Variants in CFAP61 observed in about 807,000 individuals in gnomAD.
CFAP61 encodes cilia and flagella associated protein 61, also known as cilia- and flagella-associated protein 61.
Under a neutral mutation model 135.6 loss-of-function variants are expected in CFAP61, and 107 were observed. The ratio of observed to expected loss-of-function variants is 0.79; its 90% CI spans 0.67 to 0.93. CFAP61 has a LOEUF of 0.93. CFAP61 is among the 40% of genes least tolerant of loss of function. CFAP61 has a pLI of 0.00. For synonymous variants in CFAP61, 575 were observed against 578.5 expected, an observed-to-expected ratio of 0.99 and a Z score of 0.09; for missense variants, 1,507 against 1,556.2, an observed-to-expected ratio of 0.97 and a Z score of 0.53.
intron 23 of CFAP61, among the ~76,000 whole-genome samples, chr20:20,289,353 G>C (rs1057426717): frequency 1.5e-5 from 2 of 129,696 alleles, no homozygotes; most frequent in African/African-American, 6.0e-5. Context: ...TCTGGGGATG[G>C]ATAAGCTTAA....
chr20:20,072,774 AT>A, intron 3 of CFAP61, among the ~76,000 whole-genome samples: 1 of 152,346 alleles, frequency 6.6e-6, no homozygotes, highest in African/African-American at 2.4e-5. Context: ...AGTATAAAAT[AT>A]GCCAGATTTC....
chr20:20,054,760 T>C (rs2044166136), intron 1 of CFAP61, among the ~76,000 whole-genome samples: 1 of 152,234 alleles, frequency 6.6e-6, no homozygotes, highest in Admixed American at 6.5e-5. Context: ...TCAGTCTAAT[T>C]ATTTTTTATA....
chr20:20,314,651 G>A (rs952062605), intron 25 of CFAP61, among the ~76,000 whole-genome samples: 5 of 141,332 alleles, frequency 3.5e-5, no homozygotes, highest in African/African-American at 1.3e-4. Flanking sequence ...TCGTCATCTA[G>A]CATTAGGTAT....
chr20:20,312,879 ACC>A (rs766506126), intron 25 of CFAP61, among the ~76,000 whole-genome samples: 1 of 151,826 alleles, frequency 6.6e-6, no homozygotes, highest in African/African-American at 2.4e-5. Context: ...AACATGGCAT[ACC>A]CCCCCATATT....
rs199510487 is a variant in CFAP61 at position 20,341,846 on chromosome 20, G to A, written c.3438G>A (p.Pro1146=). ...TCCTTACCAGCTACTTCACCGAGCC[G>A]TGGTGCCTGGCCCTGTTCCACGATC... ...ITDLYSYFTE[P]WCLALFHDRF... Residue 1146 remains proline, a synonymous_variant, in exon 26 of 27, where the codon CCG becomes CCA. Transcript: ENST00000245957. 3.6e-5 allele frequency: 58 copies of A among 1,613,480 alleles called. No homozygotes were observed. Among genetic ancestry groups the A allele is most frequent in the South Asian group, 1.2e-4 (11 of 90,978 alleles).
rs181768222 is a variant in CFAP61 at position 20,127,536 on chromosome 20, C to T, written c.860-15321C>T. 1.1e-3 allele frequency among the ~76,000 whole-genome samples: 157 copies of T among 147,052 alleles called. 9 individuals are homozygous for T. Among genetic ancestry groups the T allele is most frequent in the South Asian group, 3.8e-3 (17 of 4,442 alleles). ...AAGTCTACCCAGCTCTGGGCTGGTA[C>T]GGGGGGTTGTCTGGATAGAGTCCTA... On this transcript the variant is annotated intron_variant, in intron 8 of 26. Transcript: ENST00000245957.
chr20:20,313,715 T>A (rs1397407062), intron 25 of CFAP61, among the ~76,000 whole-genome samples: 1 of 152,220 alleles, frequency 6.6e-6, no homozygotes, highest in Non-Finnish European at 1.5e-5. Flanking sequence ...TTTGTGTTGC[T>A]GTAGTAGAAT....
At chr20:20,296,578 CTGAG>C (rs1034133951) in intron 24 of CFAP61, among the ~76,000 whole-genome samples, 3 of 151,668 alleles carry the variant, frequency 2.0e-5, no homozygotes, top group African/African-American at 4.9e-5. Context: ...ATGCCACAGC[CTGAG>C]TATTTAAAAA....
intron 13 of CFAP61, among the ~76,000 whole-genome samples, chr20:20,181,276 T>TACACTCACACACAC (rs2055072533): frequency 6.9e-6 from 1 of 144,544 alleles, no homozygotes; most frequent in Non-Finnish European, 1.5e-5. Flanking sequence ...TGTGTATGTA[T>TACACTCACACACAC]ACACACACAC....
chr20:20,259,785 A>C (rs1433559687), intron 20 of CFAP61: 1 of 152,172 alleles, frequency 6.6e-6, no homozygotes, highest in Non-Finnish European at 1.5e-5. Flanking sequence ...CATATTTCCC[A>C]AGAGTCTGTT....
At chr20:20,138,074 C>T (rs992307086) in intron 8 of CFAP61, among the ~76,000 whole-genome samples, 4 of 152,042 alleles carry the variant, frequency 2.6e-5, no homozygotes, top group African/African-American at 9.7e-5. Context: ...GAATAGGGAC[C>T]TTGTGACTCT....
At chr20:20,121,155 G>T (rs1476537374) in intron 8 of CFAP61, among the ~76,000 whole-genome samples, 1 of 140,434 alleles carries the variant, frequency 7.1e-6, no homozygotes, top group Non-Finnish European at 1.5e-5. Flanking sequence ...CACCCAGGCT[G>T]GAGTGCGGTG....
chr20:20,160,731 A>G (rs557524699), intron 10 of CFAP61, among the ~76,000 whole-genome samples: 1 of 152,310 alleles, frequency 6.6e-6, no homozygotes, highest in East Asian at 1.9e-4. Context: ...AGCCCCACCC[A>G]TATCCTCTAG....
rs188673443 is a variant in CFAP61 at position 20,358,740 on chromosome 20, G to A, written c.3514-1470G>A. Among the ~76,000 whole-genome samples, 575 of 152,304 alleles carry A rather than the reference G, an allele frequency of 3.8e-3. 2 individuals are homozygous for A. Among genetic ancestry groups the A allele is most frequent in the Non-Finnish European group, 6.6e-3 (448 of 68,032 alleles). On this transcript the variant is annotated intron_variant, in intron 26 of 26. Coordinates refer to ENST00000245957, the MANE Select transcript of CFAP61 (RefSeq NM_015585.4). Reference sequence around the variant, plus strand: ...CCAGCACCCCGTTGTGTCTTGCTTAGCCAAGTGGCAATGACTTTATGCCTC... The same window carrying A: ...CCAGCACCCCGTTGTGTCTTGCTTAACCAAGTGGCAATGACTTTATGCCTC...
chr20:20,226,460 T>C (rs1671843245), intron 17 of CFAP61, among the ~76,000 whole-genome samples: 1 of 152,238 alleles, frequency 6.6e-6, no homozygotes. Flanking sequence ...TGACAGTTGT[T>C]TTAAGCCAAT....
At chr20:20,085,333 T>C (rs2046721165) in intron 6 of CFAP61, 1 of 1,238,122 alleles carries the variant, frequency 8.1e-7, no homozygotes, top group Non-Finnish European at 1.0e-6. Context: ...TCATATGCCA[T>C]TTGAGACTAT....
At chr20:20,317,806 A>G (rs1397920899) in intron 25 of CFAP61, among the ~76,000 whole-genome samples, 2 of 152,150 alleles carry the variant, frequency 1.3e-5, no homozygotes, top group African/African-American at 4.8e-5. Flanking sequence ...CTATAGTTCA[A>G]TCATTAGGAG....
At chr20:20,056,484 A>G (rs2044342142) in intron 1 of CFAP61, 134 bp from the exon 2 acceptor site, 2 of 640,822 alleles carry the variant, frequency 3.1e-6, no homozygotes, top group Non-Finnish European at 5.3e-6. Flanking sequence ...GACAGTTGTC[A>G]CAGACTACAC....
intron 8 of CFAP61, among the ~76,000 whole-genome samples, chr20:20,101,906 G>C (rs950287171): frequency 6.6e-6 from 1 of 152,180 alleles, no homozygotes; most frequent in African/African-American, 2.4e-5. Flanking sequence ...GGGATTACAG[G>C]AGTAAGCCAC....
Sources: allele counts gnomAD v4.1 joint callset (sites outside exome capture counted in the v4.1 genomes callset), GRCh38; gene constraint gnomAD v4.1.1; transcripts MANE v1.5; gene names NCBI Gene and HGNC (gene_info 2026-07-23, HGNC 2026-07-21).